TG: variants seen among roughly 807,000 people sequenced by gnomAD.
The protein encoded by TG is thyroid hormones.
In TG, 270 loss-of-function variants were observed where a neutral mutation model predicts 324.7. That is an observed-to-expected ratio of 0.83 (90% CI 0.75 to 0.92). The LOEUF (loss-of-function observed/expected upper bound fraction) is 0.92. TG is among the 40% of genes least tolerant of loss of function. The pLI, the probability that TG is intolerant of heterozygous loss-of-function variation, is 0.00. For synonymous variants in TG, 1,401 were observed against 1,327.0 expected (o/e 1.06, Z -1.21); for missense variants, 3,591 against 3,456.4 (o/e 1.04, Z -0.98).
intron 37 of TG, 24 bp from the exon 38 acceptor site, chr8:133,017,754 C>G: frequency 6.2e-7 from 1 of 1,611,078 alleles, no homozygotes; most frequent in South Asian, 1.1e-5. Context: ...CTTCCTCACC[C>G]CTTTCTCTTC....
At chr8:133,031,518 G>T (rs1247935544) in intron 41 of TG, among the ~76,000 whole-genome samples, 1 of 152,184 alleles carries the variant, frequency 6.6e-6, no homozygotes, top group Non-Finnish European at 1.5e-5. Flanking sequence ...ATGAATTTAA[G>T]AGGGGCAACG....
At chr8:133,050,152 T>C in intron 41 of TG, 1 of 640,946 alleles carries the variant, frequency 1.6e-6, no homozygotes, top group Non-Finnish European at 2.8e-6. Flanking sequence ...GAAAATTTTC[T>C]TTTTAAAGGA....
Position 133,054,562 on chromosome 8 carries a change from T to TA in TG, c.7239+24541dup, listed in dbSNP as rs1841008805. Among the ~76,000 whole-genome samples the TA allele has an allele frequency of 2.6e-5, 4 of 152,228 alleles. No homozygotes were observed. In the South Asian group the frequency reaches 8.3e-4, roughly 31 times the overall value. On this transcript the variant is annotated intron_variant, in intron 41 of 47. Transcript: ENST00000220616. Reference sequence around the variant, plus strand: ...AGGGCCTGCCTTAGTAAGTGGAAGCTAATATTATTTTCATGGAGAGCGGGG... The same window carrying TA: ...AGGGCCTGCCTTAGTAAGTGGAAGCTAAATATTATTTTCATGGAGAGCGGGG...
intron 35 of TG, chr8:132,995,155 A>T: frequency 1.0e-6 from 1 of 966,872 alleles, no homozygotes; most frequent in Non-Finnish European, 1.2e-6. Flanking sequence ...TTCTATTCCT[A>T]CTCTATGAAT....
chr8:133,112,581 G>A lies in TG; in HGVS notation c.7573-841G>A, dbSNP rs565532776. Among the ~76,000 whole-genome samples, 5 of 151,726 alleles carry A rather than the reference G, an allele frequency of 3.3e-5. No individual in the cohort carries two copies. In the East Asian group the frequency reaches 9.7e-4, roughly 29 times the overall value. The stretch of plus-strand genomic sequence containing the variant: ...GAGAGAGAAGGGGAGAGAAGGGGAG[G>A]GGAAGAGAAGGTGAGGGAAGGGAGA... On this transcript the variant is annotated intron_variant, in intron 43 of 47. Transcript: ENST00000220616.
intron 17 of TG, 57 bp downstream of exon 17, chr8:132,906,957 G>A (rs1818779160): frequency 6.5e-7 from 1 of 1,540,648 alleles, no homozygotes; most frequent in African/African-American, 1.4e-5. Context: ...GCTAGGGCTG[G>A]GACCGAGATA....
At chr8:132,913,881 A>C (rs1819900106) in intron 20 of TG, among the ~76,000 whole-genome samples, 1 of 152,208 alleles carries the variant, frequency 6.6e-6, no homozygotes, top group African/African-American at 2.4e-5. Flanking sequence ...CACTGGGCTA[A>C]AACTGAGCTG....
At chr8:133,023,274 T>A (rs1216840709) in intron 40 of TG, among the ~76,000 whole-genome samples, 1 of 152,090 alleles carries the variant, frequency 6.6e-6, no homozygotes, top group Non-Finnish European at 1.5e-5. Flanking sequence ...AACAACCAGA[T>A]GTCTATGTAG....
Position 133,005,221 on chromosome 8 carries a change from G to A in TG, c.6263-6680G>A, listed in dbSNP as rs145335219. ...GCCCATGGCACCGCAGGCACACTGCGCAGGAGGTGAGAGGCTGTGGAGGCC... is the reference window on the plus strand; with the variant it reads ...GCCCATGGCACCGCAGGCACACTGCACAGGAGGTGAGAGGCTGTGGAGGCC... On this transcript the variant is annotated intron_variant, in intron 35 of 47. Transcript: ENST00000220616. Among the ~76,000 whole-genome samples the A allele has an allele frequency of 1.6e-3, 236 of 152,228 alleles. 2 individuals carry two copies. Among genetic ancestry groups the A allele is most frequent in the African/African-American group, 5.4e-3 (226 of 41,530 alleles).
chr8:133,001,950 T>C, intron 35 of TG: 6 of 985,474 alleles, frequency 6.1e-6, no homozygotes, highest in Non-Finnish European at 7.2e-6. Flanking sequence ...GAAATTCCTC[T>C]TGGTTTTGAT....
intron 45 of TG, among the ~76,000 whole-genome samples, chr8:133,129,912 T>C (rs1432305487): frequency 6.6e-6 from 1 of 152,200 alleles, no homozygotes; most frequent in Admixed American, 6.5e-5. Context: ...AGGGAACTTG[T>C]GGCTCTCCAA....
chr8:132,978,933 G>A (rs1283977276), intron 34 of TG, among the ~76,000 whole-genome samples: 12 of 152,226 alleles, frequency 7.9e-5, no homozygotes, highest in Non-Finnish European at 1.5e-5. Flanking sequence ...AGAGTCCAAA[G>A]AGCCTGCAGC....
At chr8:132,989,761 A>G (rs11991061) in intron 35 of TG, among the ~76,000 whole-genome samples, 62,169 of 152,006 alleles carry the variant, frequency 0.41, 14,534 homozygotes, top group African/African-American at 0.64. Context: ...TAAGCTGGAA[A>G]CAGAGTCCTG....
intron 25 of TG, among the ~76,000 whole-genome samples, chr8:132,939,677 T>TTG (rs1563980258): frequency 3.4e-5 from 5 of 148,324 alleles, no homozygotes; most frequent in African/African-American, 1.2e-4. Context: ...TTTTTTTTTG[T>TTG]TTGTTTGTTT....
intron 41 of TG, among the ~76,000 whole-genome samples, chr8:133,074,564 T>C (rs1844574676): frequency 6.6e-6 from 1 of 152,206 alleles, no homozygotes; most frequent in African/African-American, 2.4e-5. Context: ...AATTATCCTT[T>C]GTAAGAAGCC....
In TG at chr8:133,113,601, C is replaced by A. The variant is rs763263303; in HGVS notation, c.7752C>A (p.Thr2584=). ...TCTCCCGGGCTCTGGAGAATGCCAC[C>A]CGGTAAGCTAAGCTGCAGGAGGGTG... ...ASFSRALENA[T]RDYFIICPII... Residue 2584 remains threonine, a splice_region_variant and synonymous_variant, in exon 44 of 48, where the codon ACC becomes ACA. Coordinates refer to ENST00000220616, the MANE Select transcript of TG (RefSeq NM_003235.5). 1.2e-6 allele frequency: 2 copies of A among 1,613,756 alleles called. No individual in the cohort carries two copies. Among genetic ancestry groups the A allele is most frequent in the Admixed American group, 1.7e-5 (1 of 59,978 alleles).
At chr8:132,898,343 C>T in intron 13 of TG, 97 bp downstream of exon 13, 2 of 1,220,090 alleles carry the variant, frequency 1.6e-6, no homozygotes, top group South Asian at 2.6e-5. Context: ...ACTCCATGGC[C>T]CAGCCCTTCA....
intron 27 of TG, among the ~76,000 whole-genome samples, chr8:132,956,463 G>A (rs1826886222): frequency 6.6e-6 from 1 of 152,196 alleles, no homozygotes; most frequent in South Asian, 2.1e-4. Flanking sequence ...TGTGTGACCA[G>A]CTGGAGAGCT....
intron 22 of TG, among the ~76,000 whole-genome samples, chr8:132,926,498 G>A (rs1821886858): frequency 6.6e-6 from 1 of 152,188 alleles, no homozygotes; most frequent in Admixed American, 6.5e-5. Flanking sequence ...TTCCTTTGGG[G>A]CTAGAATTGT....
Sources: gnomAD v4.1 joint callset for allele counts (sites outside exome capture counted in the v4.1 genomes callset) on GRCh38, gnomAD v4.1.1 for gene constraint, MANE v1.5 for transcripts, NCBI Gene and HGNC (gene_info 2026-07-23, HGNC 2026-07-21) for gene names.